The following CNTN4 variants were observed in gnomAD, a reference collection of about 807,000 sequenced individuals.
CNTN4 encodes contactin-4.
Under a neutral mutation model 122.5 loss-of-function variants are expected in CNTN4, and 77 were observed. The ratio of observed to expected loss-of-function variants is 0.63; its 90% CI spans 0.52 to 0.76. The LOEUF (loss-of-function observed/expected upper bound fraction) is 0.76, where lower values mean the gene tolerates loss of function less well. Among genes scored for constraint, CNTN4 ranks in the 30% least tolerant of loss-of-function variants. CNTN4 has a pLI of 0.00. For synonymous variants in CNTN4, 512 were observed against 447.0 expected (o/e 1.15, Z -1.83); for missense variants, 1,256 against 1,259.1 (o/e 1.00, Z 0.04).
At chr3:2,657,164 T>A (rs1397656870) in intron 4 of CNTN4, among the ~76,000 whole-genome samples, 1 of 152,184 alleles carries the variant, frequency 6.6e-6, no homozygotes, top group African/African-American at 2.4e-5. Flanking sequence ...TTTCCAATTC[T>A]AAGGGTAGAA....
intron 4 of CNTN4, among the ~76,000 whole-genome samples, chr3:2,683,117 C>T (rs150069886): frequency 6.6e-6 from 1 of 152,212 alleles, no homozygotes; most frequent in African/African-American, 2.4e-5. Context: ...ATGCCCATCT[C>T]CCAGAGTGTC....
chr3:2,673,829 G>A (rs570932185), intron 4 of CNTN4, among the ~76,000 whole-genome samples: 3 of 152,026 alleles, frequency 2.0e-5, no homozygotes, highest in East Asian at 3.9e-4. Context: ...GGTGCGAGTC[G>A]CTGCGCCCGG....
intron 4 of CNTN4, among the ~76,000 whole-genome samples, chr3:2,594,064 C>T (rs1017026557): frequency 1.3e-5 from 2 of 152,078 alleles, no homozygotes; most frequent in African/African-American, 4.8e-5. Flanking sequence ...AATTTGCCTG[C>T]CTGAAAATCT....
chr3:2,280,565 C>T (rs2041678590), intron 2 of CNTN4, among the ~76,000 whole-genome samples: 1 of 152,142 alleles, frequency 6.6e-6, no homozygotes, highest in African/African-American at 2.4e-5. Context: ...AGAAACCATG[C>T]TCTTGACCAA....
At chr3:2,609,292 T>C (rs1434514253) in intron 4 of CNTN4, among the ~76,000 whole-genome samples, 5 of 152,188 alleles carry the variant, frequency 3.3e-5, no homozygotes, top group Non-Finnish European at 7.3e-5. Context: ...GAAACTAGCT[T>C]AGGACCCTTT....
chr3:2,417,318 T>C (rs1359558424), intron 3 of CNTN4, among the ~76,000 whole-genome samples: 1 of 152,212 alleles, frequency 6.6e-6, no homozygotes, highest in Non-Finnish European at 1.5e-5. Flanking sequence ...CAGTCTTGTA[T>C]TCTTTCTAAT....
Position 2,521,323 on chromosome 3 carries a change from C to A in CNTN4, c.-88-50093C>A, listed in dbSNP as rs7652448. Among the ~76,000 whole-genome samples the A allele has an allele frequency of 1.7e-3, 261 of 149,536 alleles. 1 individual carries two copies. Among genetic ancestry groups the A allele is most frequent in the African/African-American group, 6.3e-3 (252 of 40,240 alleles). On this transcript the variant is annotated intron_variant, in intron 3 of 24. Transcript: ENST00000418658. ...CTCTGCTTCATTTTGTTTCTGTGAA[C>A]AAGGGTGGACCTCTACCCATCCCCC... is the stretch of plus-strand genomic sequence containing the variant.
At chr3:2,740,181 AC>A (rs1198991895) in intron 5 of CNTN4, among the ~76,000 whole-genome samples, 1 of 152,052 alleles carries the variant, frequency 6.6e-6, no homozygotes, top group Admixed American at 6.5e-5. Context: ...ACATAGCAAG[AC>A]CCCCATCTCT....
At chr3:3,035,311 A>G (rs1478684100) in intron 17 of CNTN4, among the ~76,000 whole-genome samples, 1 of 151,990 alleles carries the variant, frequency 6.6e-6, no homozygotes, top group Non-Finnish European at 1.5e-5. Flanking sequence ...GTCTCAAAAA[A>G]AAAAAAAAAA....
At chr3:2,541,506 G>A (rs937697028) in intron 3 of CNTN4, among the ~76,000 whole-genome samples, 33 of 152,018 alleles carry the variant, frequency 2.2e-4, no homozygotes, top group African/African-American at 7.0e-4. Flanking sequence ...GTAAAGCTTC[G>A]TTCTCCCTAA....
intron 4 of CNTN4, among the ~76,000 whole-genome samples, chr3:2,686,875 A>G (rs974143219): frequency 6.6e-6 from 1 of 152,174 alleles, no homozygotes; most frequent in African/African-American, 2.4e-5. Context: ...GCTGTGGGAG[A>G]AAACAAACAG....
intron 3 of CNTN4, among the ~76,000 whole-genome samples, chr3:2,470,074 T>A (rs891367588): frequency 3.9e-5 from 6 of 152,170 alleles, no homozygotes; most frequent in African/African-American, 1.2e-4. Context: ...TGCTTTCTTT[T>A]TTTTTTTTGG....
chr3:2,970,628 G>C (rs1692809682), intron 13 of CNTN4, among the ~76,000 whole-genome samples: 1 of 151,668 alleles, frequency 6.6e-6, no homozygotes, highest in South Asian at 2.1e-4. Flanking sequence ...TGTATTTTTT[G>C]CATAGATGGG....
chr3:2,871,489 A>T (rs918615727), intron 8 of CNTN4, among the ~76,000 whole-genome samples: 1 of 152,002 alleles, frequency 6.6e-6, no homozygotes, highest in African/African-American at 2.4e-5. Flanking sequence ...ATTTTGATTT[A>T]TTTTTTTCTT....
rs576142454 is a variant in CNTN4 at position 2,235,336 on chromosome 3, G to C, written c.-144-103842G>C. Reference sequence around the variant, plus strand: ...GCTTATTAATATCCAAGTTAACTTTGATACAGTTACAAACACAGAACCTCA... The same window carrying C: ...GCTTATTAATATCCAAGTTAACTTTCATACAGTTACAAACACAGAACCTCA... On this transcript the variant is annotated intron_variant, in intron 2 of 24. Transcript: ENST00000418658. Among the ~76,000 whole-genome samples, 13 of 152,200 alleles carry C rather than the reference G, an allele frequency of 8.5e-5. 1 individual carries two copies. The Middle Eastern group carries it at 0.031, about 358-fold the overall frequency.
Position 2,323,924 on chromosome 3 carries a change from C to G in CNTN4, c.-144-15254C>G, listed in dbSNP as rs141343443. On this transcript the variant is annotated intron_variant, in intron 2 of 24. Transcript: ENST00000418658. ...GCAATCCAGAGAGTGCTGGTGGAGA[C>G]AGGACTAACACAATGGTTCCCAACT... Among the ~76,000 whole-genome samples the G allele has an allele frequency of 1.7e-3, 265 of 152,292 alleles. 1 individual carries two copies. Among genetic ancestry groups the G allele is most frequent in the African/African-American group, 5.9e-3 (245 of 41,566 alleles).
At chr3:2,878,519 A>C (rs2093870973) in intron 8 of CNTN4, among the ~76,000 whole-genome samples, 1 of 151,476 alleles carries the variant, frequency 6.6e-6, no homozygotes, top group Admixed American at 6.6e-5. Context: ...TTCTATCCCT[A>C]AAGCAGGTAA....
chr3:2,914,610 C>T (rs1233143397), intron 12 of CNTN4, among the ~76,000 whole-genome samples: 1 of 152,186 alleles, frequency 6.6e-6, no homozygotes, highest in African/African-American at 2.4e-5. Context: ...TGTGAATAGA[C>T]TTAGAACTAG....
chr3:2,270,456 G>GTT (rs75108802), intron 2 of CNTN4, among the ~76,000 whole-genome samples: 5,518 of 150,902 alleles, frequency 0.037, 229 homozygotes, highest in African/African-American at 0.097. Context: ...GGCACAGAGG[G>GTT]TATATATATA....
Sources: gnomAD v4.1 joint callset for allele counts (sites outside exome capture counted in the v4.1 genomes callset) on GRCh38, gnomAD v4.1.1 for gene constraint, MANE v1.5 for transcripts, NCBI Gene and HGNC (gene_info 2026-07-23, HGNC 2026-07-21) for gene names.